The following DGCR8 variants were observed in gnomAD, a reference collection of about 807,000 sequenced individuals.
The protein encoded by DGCR8 is microprocessor complex subunit DGCR8.
DGCR8 carries 14 observed loss-of-function variants against 78.5 expected under a neutral mutation model. The ratio of observed to expected loss-of-function variants is 0.18; its 90% confidence interval spans 0.12 to 0.28. DGCR8 has a LOEUF of 0.28. DGCR8 is among the 10% of genes least tolerant of loss of function. The probability of loss-of-function intolerance (pLI) is 1.00; values close to 1 mark genes in which losing one functional copy is unlikely to be tolerated. For synonymous variants in DGCR8, 399 were observed against 402.4 expected (o/e 0.99, Z 0.10); for missense variants, 702 against 1,022.5 (o/e 0.69, Z 4.28).
chr22:20,090,834 AAG>A (rs1206610994), intron 5 of DGCR8, among the ~76,000 whole-genome samples: 2 of 152,204 alleles, frequency 1.3e-5, no homozygotes, highest in African/African-American at 4.8e-5. Context: ...ATTACTTTCA[AAG>A]AGCACTTTCC....
chr22:20,099,105 G>T (rs954817578), intron 9 of DGCR8, among the ~76,000 whole-genome samples: 5 of 152,168 alleles, frequency 3.3e-5, no homozygotes, highest in Non-Finnish European at 7.3e-5. Flanking sequence ...GGGTCTGTGG[G>T]GCTCACCTGG....
At chr22:20,088,653 A>G (rs2049517497) in intron 3 of DGCR8, among the ~76,000 whole-genome samples, 1 of 151,568 alleles carries the variant, frequency 6.6e-6, no homozygotes, top group Admixed American at 6.6e-5. Context: ...GACCTTTAAC[A>G]CTCCCTCCCT....
intron 1 of DGCR8, among the ~76,000 whole-genome samples, chr22:20,084,275 T>C (rs1298921866): frequency 5.9e-5 from 9 of 152,322 alleles, no homozygotes; most frequent in Admixed American, 2.6e-4. Context: ...CTTGGGAGGA[T>C]GTTAGGTCAT....
intron 13 of DGCR8, 128 bp downstream of exon 13, chr22:20,109,131 A>C: frequency 3.3e-6 from 2 of 601,980 alleles, no homozygotes. Flanking sequence ...TCCTTCCAAA[A>C]TCAGATACAG....
intron 13 of DGCR8, among the ~76,000 whole-genome samples, chr22:20,109,683 C>T (rs1310739373): frequency 6.6e-6 from 1 of 152,174 alleles, no homozygotes; most frequent in Non-Finnish European, 1.5e-5. Context: ...CCTGGCTGGG[C>T]CTGGGGCAAG....
At chr22:20,095,411 TTG>T (rs2049616947) in intron 9 of DGCR8, among the ~76,000 whole-genome samples, 2 of 152,224 alleles carry the variant, frequency 1.3e-5, no homozygotes, top group South Asian at 4.1e-4. Context: ...CGGCCCTAGA[TTG>T]TTCTTTATAT....
chr22:20,082,089 C>T (rs1202046546), intron 1 of DGCR8, among the ~76,000 whole-genome samples: 2 of 150,074 alleles, frequency 1.3e-5, no homozygotes, highest in East Asian at 3.9e-4. Context: ...CAGAATCTCG[C>T]TCTGTCGCCC....
chr22:20,091,601 T>A lies in DGCR8; in HGVS notation c.1473T>A (p.Thr491=). The part of the protein sequence containing the change: ...PILPANQKLI[T]LSVQDAPTKK... Reference sequence around the variant, plus strand: ...TGCCAGCCAATCAGAAGCTCATTACTTTATCAGTGCAAGATGCACCCACAA... The same window carrying A: ...TGCCAGCCAATCAGAAGCTCATTACATTATCAGTGCAAGATGCACCCACAA... Residue 491 remains threonine, a synonymous_variant, in exon 6 of 14, where the codon ACT becomes ACA. Coordinates refer to ENST00000351989, the MANE Select transcript of DGCR8 (RefSeq NM_022720.7). 6.2e-7 allele frequency: 1 copy of A among 1,614,240 alleles called. No homozygotes were observed. Among genetic ancestry groups the A allele is most frequent in the Middle Eastern group, 1.7e-4 (1 of 6,054 alleles).
intron 9 of DGCR8, among the ~76,000 whole-genome samples, chr22:20,099,980 C>T (rs1234302847): frequency 6.6e-6 from 1 of 152,094 alleles, no homozygotes; most frequent in Non-Finnish European, 1.5e-5. Flanking sequence ...TATGTAACTG[C>T]TTCATCGTGG....
At chr22:20,082,986 G>A (rs1279900091) in intron 1 of DGCR8, among the ~76,000 whole-genome samples, 1 of 152,148 alleles carries the variant, frequency 6.6e-6, no homozygotes, top group African/African-American at 2.4e-5. Flanking sequence ...GACCAGCCCT[G>A]ATCCATCTGC....
rs2049470654 is a variant in DGCR8 at position 20,085,464 on chromosome 22, A to G, written c.-277-223A>G. 6.6e-6 allele frequency among the ~76,000 whole-genome samples: 1 copy of G among 152,242 alleles called. No homozygotes were observed. Among genetic ancestry groups the G allele is most frequent in the African/African-American group, 2.4e-5 (1 of 41,460 alleles). On this transcript the variant is annotated intron_variant, in intron 1 of 13. Transcript: ENST00000351989. The surrounding 1 kb of genome is among the most constrained non-coding windows in gnomAD (Gnocchi z 6.2). The stretch of plus-strand genomic sequence containing the variant: ...TTTTTGTGTTTCTGAAGTAGGAATT[A>G]AAGTGGGCATTAACAAAATATTTAA...
intron 7 of DGCR8, 53 bp from the exon 8 acceptor site, chr22:20,092,756 C>T (rs1052402148): frequency 2.0e-6 from 3 of 1,509,948 alleles, no homozygotes; most frequent in Non-Finnish European, 1.8e-6. Flanking sequence ...ACTGTGCACA[C>T]GCTTTTGATG....
intron 9 of DGCR8, among the ~76,000 whole-genome samples, chr22:20,097,770 A>T (rs1460810675): frequency 2.7e-5 from 4 of 150,582 alleles, no homozygotes; most frequent in East Asian, 1.9e-4. Context: ...TGTCTTTTTT[A>T]AAAAAATTCT....
chr22:20,096,498 G>T (rs1438662751), intron 9 of DGCR8: 3 of 984,878 alleles, frequency 3.0e-6, no homozygotes, highest in Non-Finnish European at 3.6e-6. Flanking sequence ...ATTTTGAAGG[G>T]TGCATTCTTA....
chr22:20,094,678 C>T, intron 8 of DGCR8, 35 bp from the exon 9 acceptor site: 1 of 1,595,264 alleles, frequency 6.3e-7, no homozygotes, highest in Non-Finnish European at 8.6e-7. Context: ...GAGGGCAGTG[C>T]CCAAGCCTCA....
intron 9 of DGCR8, among the ~76,000 whole-genome samples, chr22:20,095,334 G>A (rs2049615786): frequency 6.6e-6 from 1 of 152,148 alleles, no homozygotes; most frequent in Non-Finnish European, 1.5e-5. Flanking sequence ...TCGAACTCCT[G>A]ACCTCGGGTG....
intron 9 of DGCR8, chr22:20,101,916 TGTG>T (rs1361304161): frequency 1.0e-6 from 1 of 985,042 alleles, no homozygotes; most frequent in South Asian, 4.7e-5. Context: ...GCCTGTGAGG[TGTG>T]GTGGCCACGC....
At chr22:20,106,412 C>T (rs1303926593) in intron 10 of DGCR8, 135 bp downstream of exon 10, 1 of 858,086 alleles carries the variant, frequency 1.2e-6, no homozygotes, top group South Asian at 1.6e-5. Flanking sequence ...CCCCTTGGCC[C>T]TGGCCACCAG....
At chr22:20,082,975 G>A (rs181454080) in intron 1 of DGCR8, among the ~76,000 whole-genome samples, 1 of 152,332 alleles carries the variant, frequency 6.6e-6, no homozygotes, top group Non-Finnish European at 1.5e-5. Flanking sequence ...CAGCCTGGGA[G>A]GACCAGCCCT....
Sources: allele counts gnomAD v4.1 joint callset (sites outside exome capture counted in the v4.1 genomes callset), GRCh38; gene constraint gnomAD v4.1.1; non-coding constraint Gnocchi (gnomAD v3.1); transcripts MANE v1.5; gene names NCBI Gene and HGNC (gene_info 2026-07-23, HGNC 2026-07-21).